UBE3C: variants seen among roughly 807,000 people sequenced by gnomAD.
The protein encoded by UBE3C is ubiquitin-protein ligase E3C.
Under a neutral mutation model 129.4 loss-of-function variants are expected in UBE3C, and 42 were observed. The ratio of observed to expected loss-of-function variants is 0.32; its 90% CI spans 0.25 to 0.42. The LOEUF is 0.42. Among genes scored for constraint, UBE3C ranks in the 10% least tolerant of loss-of-function variants. The pLI is 1.00. For synonymous variants in UBE3C, 510 were observed against 492.4 expected (o/e 1.04, Z -0.47); for missense variants, 1,049 against 1,319.1 (o/e 0.80, Z 3.17).
At chr7:157,163,676 C>T (rs188855723) in intron 1 of UBE3C, 134 bp from the exon 2 acceptor site, 3 of 853,110 alleles carry the variant, frequency 3.5e-6, no homozygotes, top group Middle Eastern at 3.3e-4. Context: ...ATTCTCTCAT[C>T]TGATTAAGTC....
At chr7:157,265,247 G>A (rs998344771) in intron 22 of UBE3C, among the ~76,000 whole-genome samples, 5 of 152,180 alleles carry the variant, frequency 3.3e-5, no homozygotes, top group Non-Finnish European at 5.9e-5. Context: ...TCTGAAACCC[G>A]TGCCAGATAC....
rs746313180 is a variant in UBE3C, at chr7:157,253,987, C to T, written c.2728C>T (p.Pro910Ser). The change falls in exon 20 of 23, where the codon CCT becomes TCT. Residue 910 changes from proline (P) to serine (S), a missense_variant. Pro to Ser is a moderately conservative substitution (Grantham distance 74). Around this residue, in one of 4 missense-constraint regions of UBE3C, gnomAD observed 243 missense variants for 368.7 expected, o/e 0.66. Transcript: ENST00000348165. The part of the protein sequence containing the change: ...VELKFGGKDI[P>S]VTSANRIAYI... ...ACTAAAATTCGGTGGGAAAGACATCCCTGTCACCAGCGCCAACCGGATTGC... is the reference window on the plus strand; with the variant it reads ...ACTAAAATTCGGTGGGAAAGACATCTCTGTCACCAGCGCCAACCGGATTGC... 4.4e-6 allele frequency: 7 copies of T among 1,599,300 alleles called. No homozygotes were observed. The South Asian group carries it at 6.8e-5, about 15-fold the overall frequency.
intron 13 of UBE3C, among the ~76,000 whole-genome samples, chr7:157,209,050 A>G (rs1422497298): frequency 6.6e-6 from 1 of 152,242 alleles, no homozygotes; most frequent in Non-Finnish European, 1.5e-5. Context: ...AGTTAATTGA[A>G]TGAAAATGAT....
At chr7:157,232,688 T>G (rs779805429) in intron 18 of UBE3C, among the ~76,000 whole-genome samples, 3 of 152,218 alleles carry the variant, frequency 2.0e-5, no homozygotes, top group Non-Finnish European at 2.9e-5. Flanking sequence ...GAAATTAATG[T>G]TGCTATTGTG....
intron 1 of UBE3C, chr7:157,140,048 C>T (rs149168946): frequency 3.0e-6 from 3 of 985,118 alleles, no homozygotes; most frequent in African/African-American, 1.7e-5. Flanking sequence ...GTAGGCAAAC[C>T]ATGACGCCTC....
chr7:157,254,401 T>TTA lies in UBE3C; in HGVS notation c.2950+91_2950+92insTA, dbSNP rs1563076446. On this transcript the variant is annotated intron_variant, in intron 21 of 22. Coordinates refer to ENST00000348165, the MANE Select transcript of UBE3C (RefSeq NM_014671.3). ...TTTATTTTATTTTAATTAATTTATT[T>TTA]ATTTTTTTTTTTTCAGACTGAGTTT... 1.9e-4 allele frequency: 53 copies of TTA among 272,420 alleles called. 2 individuals carry two copies. The highest frequency in any genetic ancestry group is 3.5e-4 in the Admixed American group (2 of 5,794). 16.9% of individuals were successfully genotyped at this position (272,420 alleles called of 1,614,324 possible).
intron 1 of UBE3C, among the ~76,000 whole-genome samples, chr7:157,144,741 C>A (rs1807558719): frequency 6.6e-6 from 1 of 151,992 alleles, no homozygotes; most frequent in South Asian, 2.1e-4. Flanking sequence ...TACAATCAAG[C>A]AGAGGGTAGG....
intron 18 of UBE3C, among the ~76,000 whole-genome samples, chr7:157,233,813 C>T (rs1796084353): frequency 1.3e-5 from 2 of 152,234 alleles, no homozygotes; most frequent in South Asian, 4.1e-4. Flanking sequence ...TACAATCCCA[C>T]CAACAATTTG....
At chr7:157,236,866 G>A (rs1219745263) in intron 18 of UBE3C, among the ~76,000 whole-genome samples, 3 of 151,750 alleles carry the variant, frequency 2.0e-5, no homozygotes. Flanking sequence ...CGAGTAGCTG[G>A]GATTACAGGT....
At chr7:157,230,567 C>T (rs1042393867) in intron 17 of UBE3C, among the ~76,000 whole-genome samples, 1 of 151,858 alleles carries the variant, frequency 6.6e-6, no homozygotes, top group Non-Finnish European at 1.5e-5. Flanking sequence ...TGGTGGCACA[C>T]GCCTGTAGTC....
rs141104100 is a variant in UBE3C at position 157,250,338 on chromosome 7, C to A, written c.2694+1758C>A. On this transcript the variant is annotated intron_variant, in intron 19 of 22. Transcript: ENST00000348165. ...AGTAGCTGGGATTACAGGCGTACACCACCAAACCTGGCTAATTTTTGTGTT... is the reference window on the plus strand; with the variant it reads ...AGTAGCTGGGATTACAGGCGTACACAACCAAACCTGGCTAATTTTTGTGTT... 2.1e-3 allele frequency among the ~76,000 whole-genome samples: 316 copies of A among 152,298 alleles called. 1 individual carries two copies. The highest frequency in any genetic ancestry group is 7.4e-3 in the African/African-American group (307 of 41,562).
At chr7:157,141,956 C>T (rs992716569) in intron 1 of UBE3C, among the ~76,000 whole-genome samples, 1 of 152,204 alleles carries the variant, frequency 6.6e-6, no homozygotes, top group Non-Finnish European at 1.5e-5. Context: ...CTAGATGATA[C>T]GCATGTTCAG....
chr7:157,222,386 T>C (rs1380027860), intron 15 of UBE3C: 2 of 152,150 alleles, frequency 1.3e-5, no homozygotes, highest in African/African-American at 4.8e-5. Flanking sequence ...ATATGATGTC[T>C]AAGATACCTT....
chr7:157,221,149 G>T (rs1273398601), intron 15 of UBE3C: 1 of 178,832 alleles, frequency 5.6e-6, no homozygotes, highest in Non-Finnish European at 1.2e-5. Context: ...CACAGTTTGT[G>T]AATCCATTCA....
chr7:157,225,320 A>AT (rs1795846552), intron 16 of UBE3C, 87 bp from the exon 17 acceptor site: 1 of 1,463,476 alleles, frequency 6.8e-7, no homozygotes, highest in African/African-American at 1.5e-5. Flanking sequence ...ATGAAGATAC[A>AT]AAAGATAAGA....
chr7:157,160,111 A>G (rs909056605), intron 1 of UBE3C, among the ~76,000 whole-genome samples: 10 of 147,736 alleles, frequency 6.8e-5, no homozygotes, highest in East Asian at 2.0e-4. Context: ...GTCTCGTTCT[A>G]TCACCCAGGC....
chr7:157,253,016 G>C (rs1383937845), intron 19 of UBE3C, among the ~76,000 whole-genome samples: 1 of 152,066 alleles, frequency 6.6e-6, no homozygotes, highest in Non-Finnish European at 1.5e-5. Context: ...AGAGGCGTGA[G>C]CCACTATACC....
At chr7:157,208,428 GTAATT>G (rs1337752771) in intron 13 of UBE3C, among the ~76,000 whole-genome samples, 1 of 152,050 alleles carries the variant, frequency 6.6e-6, no homozygotes, top group Non-Finnish European at 1.5e-5. Context: ...ATTAATTAAG[GTAATT>G]TAATTAACTA....
intron 14 of UBE3C, among the ~76,000 whole-genome samples, chr7:157,219,430 CA>C (rs943677173): frequency 2.0e-5 from 3 of 152,272 alleles, no homozygotes; most frequent in African/African-American, 7.2e-5. Context: ...CATCCCACAC[CA>C]CCTAGGAAAC....
Sources: allele counts gnomAD v4.1 joint callset (sites outside exome capture counted in the v4.1 genomes callset), GRCh38; gene constraint gnomAD v4.1.1; regional missense constraint gnomAD v4.1.1; transcripts MANE v1.5; gene names NCBI Gene and HGNC (gene_info 2026-07-23, HGNC 2026-07-21).